Variants in GTF3C1 observed in about 807,000 individuals in gnomAD.
GTF3C1 encodes general transcription factor 3C polypeptide 1.
A neutral mutation model predicts 226.7 loss-of-function variants in GTF3C1; 57 were observed. The observed-to-expected ratio is 0.25, with a 90% confidence interval of 0.20 to 0.31. The LOEUF (loss-of-function observed/expected upper bound fraction) is 0.31. GTF3C1 is among the 10% of genes least tolerant of loss of function. GTF3C1 has a pLI of 1.00. For missense variants in GTF3C1, 2,217 were observed against 2,776.1 expected (o/e 0.80, Z 4.53); for synonymous variants, 1,090 against 1,084.8 (o/e 1.00, Z -0.09).
intron 6 of GTF3C1, among the ~76,000 whole-genome samples, chr16:27,521,555 C>T (rs1471639724): frequency 6.6e-6 from 1 of 152,258 alleles, no homozygotes; most frequent in African/African-American, 2.4e-5. Flanking sequence ...CAGTTCCTGG[C>T]AAAGGGCGCT....
At chr16:27,490,664 C>T (rs948493463) in intron 19 of GTF3C1, among the ~76,000 whole-genome samples, 3 of 152,202 alleles carry the variant, frequency 2.0e-5, no homozygotes, top group South Asian at 2.1e-4. Flanking sequence ...ATATAAATAA[C>T]AGCAGCACCA....
intron 23 of GTF3C1, among the ~76,000 whole-genome samples, chr16:27,486,706 C>T (rs533143998): frequency 1.2e-4 from 18 of 152,232 alleles, no homozygotes; most frequent in Non-Finnish European, 2.5e-4. Flanking sequence ...AAATAACTAA[C>T]ATCAGCAGTG....
chr16:27,544,263 T>G (rs1050752277), intron 2 of GTF3C1, among the ~76,000 whole-genome samples: 1 of 151,930 alleles, frequency 6.6e-6, no homozygotes, highest in Non-Finnish European at 1.5e-5. Context: ...GGTATGCGCC[T>G]GTGGTCCCAG....
intron 6 of GTF3C1, among the ~76,000 whole-genome samples, chr16:27,515,842 CA>C (rs1370343407): frequency 2.0e-5 from 3 of 152,238 alleles, no homozygotes; most frequent in African/African-American, 7.2e-5. Context: ...GACCACCCAG[CA>C]CTTGCTGGGA....
At chr16:27,527,973 C>CA (rs34471997) in intron 6 of GTF3C1, among the ~76,000 whole-genome samples, 1,456 of 127,556 alleles carry the variant, frequency 0.011, 11 homozygotes, top group African/African-American at 0.023. Context: ...GACCCTGTCT[C>CA]AAAAAAAAAA....
At chr16:27,545,547 A>C in intron 1 of GTF3C1, 24 bp from the exon 2 acceptor site, 7 of 1,329,920 alleles carry the variant, frequency 5.3e-6, no homozygotes, top group Non-Finnish European at 7.6e-6. Context: ...CACAAATATC[A>C]AAGCCCAACT....
intron 17 of GTF3C1, 140 bp downstream of exon 17, chr16:27,493,059 A>G (rs1425555010): frequency 1.6e-6 from 1 of 609,070 alleles, no homozygotes; most frequent in East Asian, 2.8e-5. Context: ...ATTAATATTA[A>G]TAACTTAATA....
Position 27,489,133 on chromosome 16 carries a change from C to T in GTF3C1, c.3339G>A (p.Gly1113=), listed in dbSNP as rs2141375204. 6.2e-7 allele frequency: 1 copy of T among 1,614,070 alleles called. No individual in the cohort carries two copies. Among genetic ancestry groups the T allele is most frequent in the Non-Finnish European group, 8.5e-7 (1 of 1,179,934 alleles). ...VVDEGLIPGD[G]LGAAGLDSSF... The stretch of plus-strand genomic sequence containing the variant: ...TGGAATCGAGCCCTGCGGCACCCAG[C>T]CCATCTCCAGGGATCAAGCCTTCAT... The change falls in exon 21 of 37, where the codon GGG becomes GGA. Residue 1113 remains glycine, a synonymous_variant. Coordinates refer to ENST00000356183, the MANE Select transcript of GTF3C1 (RefSeq NM_001520.4).
chr16:27,527,549 A>G (rs940012005), intron 6 of GTF3C1, among the ~76,000 whole-genome samples: 6 of 152,124 alleles, frequency 3.9e-5, no homozygotes, highest in South Asian at 4.1e-4. Flanking sequence ...CTCAGATCCT[A>G]CCTCTGCTGA....
chr16:27,524,848 T>G (rs1487506654), intron 6 of GTF3C1, among the ~76,000 whole-genome samples: 1 of 152,248 alleles, frequency 6.6e-6, no homozygotes, highest in Non-Finnish European at 1.5e-5. Context: ...TTCAGGCCAT[T>G]AGACTTCAAA....
chr16:27,525,153 A>G (rs1567409956), intron 6 of GTF3C1, among the ~76,000 whole-genome samples: 1 of 147,130 alleles, frequency 6.8e-6, no homozygotes, highest in African/African-American at 2.7e-5. Context: ...TCTGTGTCAA[A>G]AAAAGAAAAG....
intron 9 of GTF3C1, among the ~76,000 whole-genome samples, chr16:27,506,336 C>G (rs2088484596): frequency 6.6e-6 from 1 of 152,136 alleles, no homozygotes; most frequent in Non-Finnish European, 1.5e-5. Context: ...CTGGGTAATT[C>G]TCTGCTGTCA....
rs760234686 is a variant in GTF3C1, at chr16:27,483,142, C to A, written c.4002-17G>T. 2.8e-5 allele frequency: 45 copies of A among 1,612,092 alleles called. No individual in the cohort carries two copies. Among genetic ancestry groups the A allele is most frequent in the Non-Finnish European group, 3.5e-5 (41 of 1,178,332 alleles). On this transcript the variant is annotated splice_polypyrimidine_tract_variant and intron_variant, in intron 25 of 36. Coordinates refer to ENST00000356183, the MANE Select transcript of GTF3C1 (RefSeq NM_001520.4). ...AGGCACACTCTGCAGGAAGAGGAGA[C>A]AAAGCTGAAGTCTGGGAATTGCAAT...
rs768526746 is a variant in GTF3C1, at chr16:27,495,318, C to A, written c.2525G>T (p.Arg842Leu). ...CCAGGCACTTCCAGAGGAGGACGGCCGGACGCCTGCCCTGCCTGACTCCTG... is the reference window on the plus strand; with the variant it reads ...CCAGGCACTTCCAGAGGAGGACGGCAGGACGCCTGCCCTGCCTGACTCCTG... ...IKQESGRAGVRPSSSGSAWEA... is the reference protein window; with the variant it reads ...IKQESGRAGVLPSSSGSAWEA... Residue 842 changes from arginine (R) to leucine (L), a missense_variant, in exon 15 of 37, where the codon CGG becomes CTG. This residue lies in a region of GTF3C1 where 353 missense variants were observed against 411.7 expected (regional missense o/e 0.86). Transcript: ENST00000356183. 1 of 1,613,642 alleles carries A rather than the reference C, an allele frequency of 6.2e-7. No homozygotes were observed. Among genetic ancestry groups the A allele is most frequent in the Non-Finnish European group, 8.5e-7 (1 of 1,179,612 alleles).
In GTF3C1 at chr16:27,464,159, T is replaced by A. The variant is rs535662112; in HGVS notation, c.5872+161A>T. 7.7e-3 allele frequency: 3,599 copies of A among 469,940 alleles called. 31 individuals carry two copies. Among genetic ancestry groups the A allele is most frequent in the South Asian group, 0.021 (395 of 18,846 alleles). The allele number at this position is 469,940 out of a possible 1,614,324, so 29.1% of individuals were successfully genotyped here. On this transcript the variant is annotated intron_variant, in intron 34 of 36. Transcript: ENST00000356183. ...CCTGGAAATGCATTTACAGGCAGTA[T>A]CCTCCCCCTCAGGGCTCAGGCTCTG...
In GTF3C1 at chr16:27,532,673, T is replaced by C. The variant is rs143306074; in HGVS notation, c.849+618A>G. On this transcript the variant is annotated intron_variant, in intron 5 of 36. Coordinates refer to ENST00000356183, the MANE Select transcript of GTF3C1 (RefSeq NM_001520.4). Reference sequence around the variant, plus strand: ...CAGGACAGCCGCTCTGCTATTTCAGTACAAAACCACTGGGAACAAGATCAT... The same window carrying C: ...CAGGACAGCCGCTCTGCTATTTCAGCACAAAACCACTGGGAACAAGATCAT... Among the ~76,000 whole-genome samples the C allele has an allele frequency of 8.2e-3, 1,250 of 152,202 alleles. 15 individuals carry two copies. The highest frequency in any genetic ancestry group is 0.01 in the Non-Finnish European group (703 of 68,004).
rs1193925179 is a variant in GTF3C1, at chr16:27,545,523, C to T, written c.222G>A (p.Arg74=). 1 of 1,578,996 alleles carries T rather than the reference C, an allele frequency of 6.3e-7. No homozygotes were observed. Among genetic ancestry groups the T allele is most frequent in the Non-Finnish European group, 8.7e-7 (1 of 1,148,368 alleles). ...RERPDLQLQD[R]YEEIDLETGI... is the part of the protein sequence containing the mutation. ...CAGTTTCCAAATCAATTTCTTCATA[C>T]CTAAGGAGAAAAACACAAATATCAA... Residue 74 remains arginine, a splice_region_variant and synonymous_variant, in exon 2 of 37, where the codon CGG becomes CGA. Transcript: ENST00000356183.
chr16:27,464,461 A>G lies in GTF3C1; in HGVS notation c.5731T>C (p.Ser1911Pro). The G allele has an allele frequency of 1.3e-6, 2 of 1,591,618 alleles. No individual in the cohort carries two copies. Among genetic ancestry groups the G allele is most frequent in the Non-Finnish European group, 1.7e-6 (2 of 1,169,888 alleles). The change falls in exon 34 of 37, where the codon TCT becomes CCT. Residue 1911 changes from serine to proline, a missense_variant. Coordinates refer to ENST00000356183, the MANE Select transcript of GTF3C1 (RefSeq NM_001520.4). ...AEDGAEAQAP[S>P]PPPALEDTAA... ...GTGTCTTCAAGAGCTGGGGGTGGAG[A>G]TGGGGCCTGGGCTTCTGCCCCATCT...
intron 6 of GTF3C1, among the ~76,000 whole-genome samples, chr16:27,526,559 A>G (rs1411491031): frequency 6.6e-6 from 1 of 152,242 alleles, no homozygotes. Flanking sequence ...AAAGGCACCC[A>G]GTATCCCCAA....
Sources: gnomAD v4.1 joint callset for allele counts (sites outside exome capture counted in the v4.1 genomes callset) on GRCh38, gnomAD v4.1.1 for gene constraint, gnomAD v4.1.1 regional missense constraint, MANE v1.5 for transcripts, NCBI Gene and HGNC (gene_info 2026-07-23, HGNC 2026-07-21) for gene names.